Variants in FRMPD4 observed in about 807,000 individuals in gnomAD.
FRMPD4 encodes FERM and PDZ domain containing 4, also known as FERM and PDZ domain-containing protein 4.
A neutral mutation model predicts 94.1 loss-of-function variants in FRMPD4; 22 were observed. The observed-to-expected ratio is 0.23, with a 90% CI of 0.17 to 0.33. The LOEUF (loss-of-function observed/expected upper bound fraction) is 0.33. Ranked by LOEUF, FRMPD4 falls within the 10% of genes least tolerant of loss-of-function variation. The pLI is 1.00. For synonymous variants in FRMPD4, 631 were observed against 548.6 expected (o/e 1.15, Z -2.10); for missense variants, 1,111 against 1,339.9 (o/e 0.83, Z 2.67).
chrX:12,369,245 T>C (rs1033391111), intron 1 of FRMPD4, among the ~76,000 whole-genome samples: 1 of 110,945 alleles, frequency 9.0e-6, no homozygotes, highest in Non-Finnish European at 1.9e-5. Flanking sequence ...CTCAGTTTTT[T>C]TTTTTTCATT....
At chrX:12,064,800 G>C (rs1329353434) in intron 3 of FRMPD4, among the ~76,000 whole-genome samples, 1 of 111,982 alleles carries the variant, frequency 8.9e-6, no homozygotes, top group Non-Finnish European at 1.9e-5. Context: ...ACAGTAATTA[G>C]TTGAGCTCCA....
chrX:12,588,681 C>T (rs2148390352), intron 2 of FRMPD4, among the ~76,000 whole-genome samples: 1 of 111,944 alleles, frequency 8.9e-6, no homozygotes, highest in South Asian at 3.8e-4. Flanking sequence ...TATAGACAAG[C>T]CAATATATTT....
chrX:11,875,348 C>G (rs1180293882), intron 2 of FRMPD4, among the ~76,000 whole-genome samples: 1 of 111,825 alleles, frequency 8.9e-6, no homozygotes, highest in African/African-American at 3.3e-5. Flanking sequence ...ATAGGTATAA[C>G]CAGCTGTGAT....
Position 12,023,410 on chromosome X carries a change from A to G in FRMPD4, c.95+145392A>G, listed in dbSNP as rs1293569621. On this transcript the variant is annotated intron_variant, in intron 3 of 18. Transcript: ENST00000640291. ...GGACTCAAATTCCCACGCATGGCAC[A>G]TGACATCTTATCAATGAGTTTGTTC... Among the ~76,000 whole-genome samples the G allele has an allele frequency of 2.7e-5, 3 of 111,687 alleles. No homozygotes were observed. The East Asian group carries it at 8.4e-4, about 31-fold the overall frequency.
chrX:12,391,041 C>T (rs1416749122), intron 1 of FRMPD4, among the ~76,000 whole-genome samples: 2 of 112,061 alleles, frequency 1.8e-5, no homozygotes, highest in African/African-American at 6.5e-5. Context: ...CAATCCAAAC[C>T]CCTTATCTTA....
chrX:12,016,445 T>C (rs2054605245), intron 3 of FRMPD4, among the ~76,000 whole-genome samples: 1 of 112,018 alleles, frequency 8.9e-6, no homozygotes, highest in Non-Finnish European at 1.9e-5. Flanking sequence ...AAAAAAATAA[T>C]GACTAATGCA....
chrX:12,668,984 C>T (rs1217215215), intron 4 of FRMPD4, among the ~76,000 whole-genome samples: 1 of 111,801 alleles, frequency 8.9e-6, no homozygotes, highest in Non-Finnish European at 1.9e-5. Context: ...GTAAGATGGA[C>T]CCCAATGATC....
chrX:11,833,857 T>A (rs1367548031), intron 1 of FRMPD4, among the ~76,000 whole-genome samples: 1 of 111,819 alleles, frequency 8.9e-6, no homozygotes, highest in Non-Finnish European at 1.9e-5. Flanking sequence ...TAAGAGCCTA[T>A]GAGCTTCTTC....
chrX:12,412,726 T>C (rs1363253150), intron 1 of FRMPD4, among the ~76,000 whole-genome samples: 1 of 112,111 alleles, frequency 8.9e-6, no homozygotes, highest in Non-Finnish European at 1.9e-5. Context: ...AATTTGTGTT[T>C]GTGGTTGGTG....
intron 1 of FRMPD4, among the ~76,000 whole-genome samples, chrX:12,461,863 T>A (rs771487931): frequency 1.3e-4 from 14 of 111,595 alleles, no homozygotes; most frequent in South Asian, 3.7e-4. Context: ...CCATGTCTGT[T>A]TCATCTTTGA....
At chrX:12,653,959 T>G (rs765666164) in intron 4 of FRMPD4, among the ~76,000 whole-genome samples, 1 of 111,012 alleles carries the variant, frequency 9.0e-6, no homozygotes, top group Non-Finnish European at 1.9e-5. Context: ...TAGAGACAGG[T>G]TTTCACCATG....
chrX:11,922,029 G>A (rs1413285552), intron 3 of FRMPD4, among the ~76,000 whole-genome samples: 1 of 112,009 alleles, frequency 8.9e-6, no homozygotes, highest in African/African-American at 3.3e-5. Flanking sequence ...GCCTAGAAAT[G>A]GGGTATATCA....
Position 12,718,086 on chromosome X carries a change from G to T in FRMPD4, c.3260G>T (p.Arg1087Leu). 8.3e-7 allele frequency: 1 copy of T among 1,210,641 alleles called. No individual in the cohort carries two copies. The highest frequency in any genetic ancestry group is 1.1e-6 in the Non-Finnish European group (1 of 894,373). ...TTTAATCTGGAGAGAACTGCCTTTC[G>T]CAAGGACAGTCAAAGATGGTATGTG... ...STFNLERTAF[R>L]KDSQRWYVAT... is the part of the protein sequence containing the mutation. The change falls in exon 16 of 17, where the codon CGC becomes CTC. Residue 1087 changes from arginine to leucine, a missense_variant. Transcript: ENST00000675598.
intron 1 of FRMPD4, among the ~76,000 whole-genome samples, chrX:12,262,054 T>C (rs952842538): frequency 2.7e-5 from 3 of 111,236 alleles, no homozygotes; most frequent in Non-Finnish European, 3.8e-5. Context: ...AGCATCTTAA[T>C]GTAGCAGTTT....
At chrX:12,552,576 T>G (rs1602117232) in intron 2 of FRMPD4, among the ~76,000 whole-genome samples, 1 of 112,111 alleles carries the variant, frequency 8.9e-6, no homozygotes, top group Non-Finnish European at 1.9e-5. Flanking sequence ...ATGCTTCAAA[T>G]TCACTTGAAA....
chrX:12,127,783 A>G (rs146800579), intron 3 of FRMPD4, among the ~76,000 whole-genome samples: 100 of 112,675 alleles, frequency 8.9e-4, no homozygotes, highest in Middle Eastern at 4.6e-3. Context: ...TATTTCCTAG[A>G]TACAATGTCG....
chrX:11,857,828 C>G (rs1219229715), intron 1 of FRMPD4, among the ~76,000 whole-genome samples: 1 of 112,321 alleles, frequency 8.9e-6, no homozygotes, highest in Non-Finnish European at 1.9e-5. Flanking sequence ...GGTTTAATAT[C>G]CAGTATCTAT....
intron 1 of FRMPD4, among the ~76,000 whole-genome samples, chrX:12,424,594 G>T (rs757880916): frequency 3.6e-5 from 4 of 111,882 alleles, no homozygotes; most frequent in Non-Finnish European, 5.6e-5. Flanking sequence ...GGTGGGACCC[G>T]GGCTTCTGCT....
intron 3 of FRMPD4, among the ~76,000 whole-genome samples, chrX:11,964,319 C>A (rs1220659298): frequency 1.8e-5 from 2 of 110,439 alleles, no homozygotes; most frequent in Non-Finnish European, 3.8e-5. Context: ...GCCACCACAC[C>A]TGGCTAATTT....
Sources: gnomAD v4.1 joint callset for allele counts (sites outside exome capture counted in the v4.1 genomes callset) on GRCh38, gnomAD v4.1.1 for gene constraint, MANE v1.5 for transcripts, NCBI Gene and HGNC (gene_info 2026-07-23, HGNC 2026-07-21) for gene names.